Variants in SERPINE2 observed in about 807,000 individuals in gnomAD.
SERPINE2 encodes the protein serpin family E member 2, also known as glia-derived nexin.
SERPINE2 carries 14 observed loss-of-function variants against 36.3 expected under a neutral mutation model. The ratio of observed to expected loss-of-function variants is 0.39; its 90% CI spans 0.25 to 0.60. SERPINE2 has a LOEUF of 0.60. Among genes scored for constraint, SERPINE2 ranks in the 20% least tolerant of loss-of-function variants. SERPINE2 has a pLI of 0.57. For missense variants in SERPINE2, 418 were observed against 499.6 expected (o/e 0.84, Z 1.56); for synonymous variants, 192 against 191.8 (o/e 1.00, Z -0.01).
intron 1 of SERPINE2, among the ~76,000 whole-genome samples, chr2:224,005,278 G>A (rs1267639793): frequency 6.6e-6 from 1 of 151,618 alleles, no homozygotes; most frequent in Non-Finnish European, 1.5e-5. Context: ...AGCTGTTATG[G>A]GTGTTTTTCT....
intron 1 of SERPINE2, among the ~76,000 whole-genome samples, chr2:224,021,262 G>A (rs573407342): frequency 2.6e-5 from 4 of 152,234 alleles, no homozygotes; most frequent in South Asian, 2.1e-4. Flanking sequence ...AAGGGTGCCC[G>A]GAAGCTTGGG....
intron 1 of SERPINE2, among the ~76,000 whole-genome samples, chr2:224,018,472 G>A (rs1264204194): frequency 1.3e-5 from 2 of 151,764 alleles, no homozygotes; most frequent in African/African-American, 4.8e-5. Context: ...CAAAGAGATC[G>A]TTTAGAAATA....
rs542820074 is a variant in SERPINE2 at position 224,009,059 on chromosome 2, G to A, written c.-22-7137C>T. On this transcript the variant is annotated intron_variant, in intron 1 of 8. Coordinates refer to ENST00000409304, the MANE Select transcript of SERPINE2 (RefSeq NM_001136528.2). ...GGGAGAATCAAAGTGGATTGCCCTC[G>A]TGTGACAGCAGCGAGCCTCCTGAAT... Among the ~76,000 whole-genome samples the A allele has an allele frequency of 8.5e-5, 13 of 152,290 alleles. No individual in the cohort carries two copies. The South Asian group carries it at 2.3e-3, about 27-fold the overall frequency.
At chr2:224,034,330 CCAGA>C (rs1309982421) in intron 1 of SERPINE2, among the ~76,000 whole-genome samples, 4 of 152,120 alleles carry the variant, frequency 2.6e-5, no homozygotes, top group African/African-American at 7.2e-5. Context: ...GAGAAATCAG[CCAGA>C]CAATGAACAC....
chr2:223,987,926 T>C (rs958452167), intron 4 of SERPINE2, among the ~76,000 whole-genome samples: 2 of 152,166 alleles, frequency 1.3e-5, no homozygotes, highest in Admixed American at 6.5e-5. Context: ...TACAAGTAAA[T>C]ATGGATTTCC....
At chr2:224,021,238 G>A (rs76454616) in intron 1 of SERPINE2, among the ~76,000 whole-genome samples, 5,407 of 152,252 alleles carry the variant, frequency 0.036, 266 homozygotes, top group African/African-American at 0.11. Context: ...AGCATCTGTG[G>A]AGGTGAAGAA....
chr2:224,032,566 C>G (rs1446852684), intron 1 of SERPINE2, among the ~76,000 whole-genome samples: 1 of 152,188 alleles, frequency 6.6e-6, no homozygotes, highest in East Asian at 1.9e-4. Context: ...GAAATCCTTT[C>G]TGACTCTTGA....
chr2:223,980,481 A>G (rs1690186676), intron 6 of SERPINE2, 84 bp from the exon 7 acceptor site: 17 of 1,206,180 alleles, frequency 1.4e-5, no homozygotes, highest in Non-Finnish European at 2.0e-5. Context: ...CAAAGCTCAA[A>G]GCCATGGCAA....
chr2:223,980,048 C>T lies in SERPINE2; in HGVS notation c.1072+263G>A, dbSNP rs144475351. Reference sequence around the variant, plus strand: ...ACACACAAATCTGAAATACATACTACCTGGCTCTTTATAGAAGTTTGCTGA... The same window carrying T: ...ACACACAAATCTGAAATACATACTATCTGGCTCTTTATAGAAGTTTGCTGA... On this transcript the variant is annotated intron_variant, in intron 7 of 8. Transcript: ENST00000409304. 54 of 339,978 alleles carry T rather than the reference C, an allele frequency of 1.6e-4. No homozygotes were observed. In the East Asian group the frequency reaches 2.8e-3, roughly 17 times the overall value. 21.1% of individuals were successfully genotyped at this position (339,978 alleles called of 1,614,324 possible).
intron 1 of SERPINE2, among the ~76,000 whole-genome samples, chr2:224,032,959 G>A (rs1692426555): frequency 6.6e-6 from 1 of 152,208 alleles, no homozygotes; most frequent in African/African-American, 2.4e-5. Context: ...CTCACTGACT[G>A]TAGAAATAGA....
At chr2:224,000,289 G>C (rs10177151) in intron 2 of SERPINE2, among the ~76,000 whole-genome samples, 39,967 of 151,978 alleles carry the variant, frequency 0.26, 6,384 homozygotes, top group African/African-American at 0.45. Flanking sequence ...GCCAGGAAGA[G>C]GGGGGGAGCC....
Position 223,975,672 on chromosome 2 carries a change from C to T in SERPINE2, c.*195G>A. On this transcript the variant is annotated 3_prime_UTR_variant, in exon 9 of 9. Coordinates refer to ENST00000409304, the MANE Select transcript of SERPINE2 (RefSeq NM_001136528.2). ...TCTATTCATTCCTCAGTACAGTGTTCCAGCCATCCTGCTTGTTTTTTCCCT... is the reference window on the plus strand; with the variant it reads ...TCTATTCATTCCTCAGTACAGTGTTTCAGCCATCCTGCTTGTTTTTTCCCT... The T allele has an allele frequency of 2.0e-6, 1 of 491,332 alleles. No individual in the cohort carries two copies. The highest frequency in any genetic ancestry group is 3.3e-5 in the Admixed American group (1 of 30,706). The allele number at this position is 491,332 out of a possible 1,614,324, so 30.4% of individuals were successfully genotyped here.
intron 1 of SERPINE2, among the ~76,000 whole-genome samples, chr2:224,038,258 C>T (rs1449971531): frequency 6.6e-6 from 1 of 152,018 alleles, no homozygotes; most frequent in Non-Finnish European, 1.5e-5. Context: ...TAAGAACGTC[C>T]CCTGCAAAGT....
chr2:224,011,805 C>T (rs1399235934), intron 1 of SERPINE2, among the ~76,000 whole-genome samples: 1 of 152,216 alleles, frequency 6.6e-6, no homozygotes, highest in Non-Finnish European at 1.5e-5. Context: ...CTATTATTTT[C>T]AGTAGCAAAA....
intron 1 of SERPINE2, among the ~76,000 whole-genome samples, chr2:224,021,320 A>T (rs10188083): frequency 0.95 from 144,076 of 152,230 alleles, 68,507 homozygotes; most frequent in Non-Finnish European, 0.99. Flanking sequence ...CTTCCATTTC[A>T]AACGGAGCTT....
intron 2 of SERPINE2, among the ~76,000 whole-genome samples, chr2:224,000,328 T>C (rs1236343440): frequency 1.3e-5 from 2 of 152,128 alleles, no homozygotes; most frequent in African/African-American, 4.8e-5. Context: ...ACTGCATTTA[T>C]GGAGACAGCA....
intron 4 of SERPINE2, among the ~76,000 whole-genome samples, chr2:223,986,458 G>A (rs1218366396): frequency 1.3e-5 from 2 of 152,070 alleles, no homozygotes; most frequent in African/African-American, 4.8e-5. Context: ...ATAACAAAAT[G>A]GTCTCAGCAG....
chr2:224,007,486 A>G (rs1319755169), intron 1 of SERPINE2, among the ~76,000 whole-genome samples: 1 of 152,244 alleles, frequency 6.6e-6, no homozygotes, highest in Non-Finnish European at 1.5e-5. Context: ...CTCAAATCAA[A>G]GATGATTTTG....
chr2:224,036,082 G>A (rs1180692963), intron 1 of SERPINE2, among the ~76,000 whole-genome samples: 5 of 152,114 alleles, frequency 3.3e-5, no homozygotes, highest in African/African-American at 1.2e-4. Flanking sequence ...ATTTTGGGGT[G>A]TTTTTTTGGC....
Sources: gnomAD v4.1 joint callset for allele counts (sites outside exome capture counted in the v4.1 genomes callset) on GRCh38, gnomAD v4.1.1 for gene constraint, MANE v1.5 for transcripts, NCBI Gene and HGNC (gene_info 2026-07-23, HGNC 2026-07-21) for gene names.